Variants in BICRA observed in about 807,000 individuals in gnomAD.
BICRA encodes the protein BRD4-interacting chromatin-remodeling complex-associated protein.
Under a neutral mutation model 96.9 loss-of-function variants are expected in BICRA, and 31 were observed. The ratio of observed to expected loss-of-function variants is 0.32; its 90% CI spans 0.24 to 0.43. BICRA has a LOEUF of 0.43. Ranked by LOEUF, BICRA falls within the 20% of genes least tolerant of loss-of-function variation. The probability of loss-of-function intolerance (pLI) is 1.00; values close to 1 mark genes in which losing one functional copy is unlikely to be tolerated. For missense variants in BICRA, 2,283 were observed against 2,190.3 expected, an observed-to-expected ratio of 1.04 and a Z score of -0.84; for synonymous variants, 1,350 against 1,071.8, an observed-to-expected ratio of 1.26 and a Z score of -5.07.
intron 7 of BICRA, among the ~76,000 whole-genome samples, chr19:47,686,070 A>G (rs991847009): frequency 3.3e-5 from 5 of 151,332 alleles, no homozygotes; most frequent in African/African-American, 1.2e-4. Context: ...AGCTGGGACT[A>G]CAGGCGCACG....
chr19:47,622,568 C>T (rs962775239), intron 1 of BICRA, among the ~76,000 whole-genome samples: 2 of 149,982 alleles, frequency 1.3e-5, no homozygotes, highest in Non-Finnish European at 3.0e-5. Flanking sequence ...ACTAAAAATA[C>T]AAAAAATTAG....
intron 1 of BICRA, among the ~76,000 whole-genome samples, chr19:47,612,721 G>C (rs149820341): frequency 3.3e-5 from 5 of 151,900 alleles, no homozygotes; most frequent in Non-Finnish European, 7.4e-5. Context: ...TTACAGATGG[G>C]GAAACTGAGG....
chr19:47,619,764 T>C (rs867311825), intron 1 of BICRA, among the ~76,000 whole-genome samples: 9 of 152,292 alleles, frequency 5.9e-5, no homozygotes, highest in African/African-American at 1.9e-4. Context: ...TAGCCAGTTG[T>C]GGTGGCCCCT....
rs1041874181 is a variant in BICRA, at chr19:47,645,016, A to C, written c.-107-25427A>C. Among the ~76,000 whole-genome samples, 9 of 152,266 alleles carry C rather than the reference A, an allele frequency of 5.9e-5. No individual in the cohort carries two copies. In the East Asian group the frequency reaches 9.7e-4, roughly 16 times the overall value. On this transcript the variant is annotated intron_variant, in intron 1 of 14. Transcript: ENST00000594866. ...CAAAGAACCATTCTCTTATGTAACC[A>C]CAGGACAGTTATCAAATGCACCTTG...
intron 5 of BICRA, among the ~76,000 whole-genome samples, chr19:47,676,398 G>C (rs1356800234): frequency 6.6e-6 from 1 of 152,100 alleles, no homozygotes; most frequent in Non-Finnish European, 1.5e-5. Context: ...GAAAAGCCCA[G>C]AGTGGCCAAT....
At chr19:47,671,652 TGGATGGAA>T (rs1338093129) in intron 2 of BICRA, among the ~76,000 whole-genome samples, 1 of 148,986 alleles carries the variant, frequency 6.7e-6, no homozygotes, top group Non-Finnish European at 1.5e-5. Context: ...GGTAGGTAGA[TGGATGGAA>T]GGATGGAGGG....
In BICRA at chr19:47,695,362, C is replaced by A. The variant is rs1973320973; in HGVS notation, c.3077-3C>A. On this transcript the variant is annotated splice_polypyrimidine_tract_variant and splice_region_variant and intron_variant, in intron 9 of 14. Coordinates refer to ENST00000594866, the MANE Select transcript of BICRA (RefSeq NM_001394372.1). The stretch of plus-strand genomic sequence containing the variant: ...CTGTCTCCCCCACCCCACCCACCCC[C>A]AGGCCTCCCTCCTCTGCTTCCAGCC... 8.7e-7 allele frequency: 1 copy of A among 1,143,398 alleles called. No homozygotes were observed. Among genetic ancestry groups the A allele is most frequent in the East Asian group, 2.7e-5 (1 of 37,132 alleles). 70.8% of individuals were successfully genotyped at this position (1,143,398 alleles called of 1,614,324 possible).
intron 1 of BICRA, among the ~76,000 whole-genome samples, chr19:47,650,553 G>A (rs1029410642): frequency 2.6e-5 from 4 of 152,048 alleles, no homozygotes; most frequent in East Asian, 1.9e-4. Flanking sequence ...CACTGTGCCC[G>A]GCCAGTTTTT....
At chr19:47,645,641 G>T (rs7247837) in intron 1 of BICRA, among the ~76,000 whole-genome samples, 1 of 152,128 alleles carries the variant, frequency 6.6e-6, no homozygotes, top group Non-Finnish European at 1.5e-5. Context: ...TTCCAAAAAC[G>T]CAGATAACAC....
intron 7 of BICRA, 127 bp downstream of exon 7, chr19:47,682,279 C>T (rs2123590926): frequency 5.3e-6 from 3 of 566,054 alleles, no homozygotes; most frequent in East Asian, 6.1e-5. Flanking sequence ...ACAGAGCTCT[C>T]CTTCACCCCC....
rs748526556 is a variant in BICRA, at chr19:47,702,118, C to G, written c.4386C>G (p.Pro1462=). The change falls in exon 15 of 15, where the codon CCC becomes CCG. Residue 1462 remains proline, a synonymous_variant. Coordinates refer to ENST00000594866, the MANE Select transcript of BICRA (RefSeq NM_001394372.1). ...AASAAQGTGD[P]DWEAPGLPPA... ...GCGCCGCCCAAGGCACCGGGGACCC[C>G]GACTGGGAGGCGCCCGGGCTGCCCC... The G allele has an allele frequency of 1.3e-6, 2 of 1,528,374 alleles. No individual in the cohort carries two copies. The highest frequency in any genetic ancestry group is 1.7e-6 in the Non-Finnish European group (2 of 1,144,978). 94.7% of individuals were successfully genotyped at this position (1,528,374 alleles called of 1,614,324 possible). A position where few individuals can be genotyped will look rare whatever the true frequency, so the allele number is the denominator to read the frequency against.
At chr19:47,646,963 C>G (rs1244150914) in intron 1 of BICRA, among the ~76,000 whole-genome samples, 1 of 152,208 alleles carries the variant, frequency 6.6e-6, no homozygotes, top group Non-Finnish European at 1.5e-5. Flanking sequence ...TTCTCCCCCT[C>G]CCAGCCTCCA....
chr19:47,678,660 GC>G (rs1972977035), intron 5 of BICRA, among the ~76,000 whole-genome samples: 1 of 152,110 alleles, frequency 6.6e-6, no homozygotes, highest in Non-Finnish European at 1.5e-5. Context: ...GAACTCCTGG[GC>G]TTAAGAGATC....
Position 47,680,186 on chromosome 19 carries a change from C to T in BICRA, c.1016C>T (p.Ala339Val), listed in dbSNP as rs749402835. 1.1e-5 allele frequency: 17 copies of T among 1,543,246 alleles called. No individual in the cohort carries two copies. Among genetic ancestry groups the T allele is most frequent in the Middle Eastern group, 1.7e-4 (1 of 5,952 alleles). The change falls in exon 6 of 15, where the codon GCG (alanine) becomes GTG (valine). Residue 339 changes from alanine (A) to valine (V), a missense_variant. Coordinates refer to ENST00000594866, the MANE Select transcript of BICRA (RefSeq NM_001394372.1). ...CTCGGCTCGTCGCCACTGGTCCCGG[C>T]GCCCAACGTGATCCTGCATCGCACA... ...PGLGSSPLVPAPNVILHRTPT... is the reference protein window; with the variant it reads ...PGLGSSPLVPVPNVILHRTPT...
At position 47,621,830 on chromosome 19, in the gene BICRA, C is replaced by T. The variant is rs529788856; in HGVS notation, c.-108+12662C>T. ...TTTTCAAGATGGAGCCTTGCTCTGT[C>T]GCCCAGGCTGGAGTGCAATAGTGCG... On this transcript the variant is annotated intron_variant, in intron 1 of 14. Transcript: ENST00000594866. 4.7e-3 allele frequency among the ~76,000 whole-genome samples: 626 copies of T among 133,684 alleles called. 4 individuals carry two copies. Among genetic ancestry groups the T allele is most frequent in the African/African-American group, 0.017 (584 of 35,388 alleles). The allele number at this position is 133,684 out of a possible 152,430, so 87.7% of individuals were successfully genotyped here.
At chr19:47,682,603 A>T (rs1973082785) in intron 7 of BICRA, among the ~76,000 whole-genome samples, 1 of 151,880 alleles carries the variant, frequency 6.6e-6, no homozygotes, top group Admixed American at 6.6e-5. Context: ...AAAGGGTAGC[A>T]TCTTCTGCCT....
intron 1 of BICRA, among the ~76,000 whole-genome samples, chr19:47,659,794 G>A (rs1353758294): frequency 6.6e-6 from 1 of 151,326 alleles, no homozygotes; most frequent in African/African-American, 2.4e-5. Context: ...CTGTCACCCA[G>A]GCTGTGGTGC....
At chr19:47,658,462 C>A (rs989640870) in intron 1 of BICRA, among the ~76,000 whole-genome samples, 1 of 151,916 alleles carries the variant, frequency 6.6e-6, no homozygotes, top group African/African-American at 2.4e-5. Flanking sequence ...CTGAGGTGGG[C>A]AGATGACTTG....
Position 47,698,519 on chromosome 19 carries a change from T to C in BICRA, c.3249-115T>C, listed in dbSNP as rs1031580633. 5 of 670,144 alleles carry C rather than the reference T, an allele frequency of 7.5e-6. No homozygotes were observed. The highest frequency in any genetic ancestry group is 1.8e-5 in the African/African-American group (1 of 55,888). The allele number at this position is 670,144 out of a possible 1,614,324, so 41.5% of individuals were successfully genotyped here. A position where few individuals can be genotyped will look rare whatever the true frequency, so the allele number is the denominator to read the frequency against. Reference sequence around the variant, plus strand: ...GAACACCACTGCCCAAGTATTCCCCTTCCCGCTGTTGTGTTCAGTTGCGGC... The same window carrying C: ...GAACACCACTGCCCAAGTATTCCCCCTCCCGCTGTTGTGTTCAGTTGCGGC... On this transcript the variant is annotated intron_variant, in intron 11 of 14. Transcript: ENST00000594866. This position sits in a 1 kb window ranked among gnomAD's most constrained non-coding sequence, Gnocchi z 4.8.
Sources: gnomAD v4.1 joint callset for allele counts (sites outside exome capture counted in the v4.1 genomes callset) on GRCh38, gnomAD v4.1.1 for gene constraint, Gnocchi (gnomAD v3.1) non-coding constraint, MANE v1.5 for transcripts, NCBI Gene and HGNC (gene_info 2026-07-23, HGNC 2026-07-21) for gene names.